Variants in SLX4IP observed in about 807,000 individuals in gnomAD.
The protein encoded by SLX4IP is SLX4 interacting protein, also known as protein SLX4IP.
Under a neutral mutation model 32.9 loss-of-function variants are expected in SLX4IP, and 34 were observed. The observed-to-expected ratio is 1.03, with a 90% CI of 0.79 to 1.38. The LOEUF (loss-of-function observed/expected upper bound fraction) is 1.38, where lower values mean the gene tolerates loss of function less well. SLX4IP is among the 40% of genes most tolerant of loss of function. The pLI is 0.00. For synonymous variants in SLX4IP, 172 were observed against 171.7 expected (o/e 1.00, Z -0.01); for missense variants, 444 against 479.0 (o/e 0.93, Z 0.68).
rs554463718 is a variant in SLX4IP at position 10,614,147 on chromosome 20, G to A, written c.406-7167G>A. ...GTCGGACCTCGCCATCGGAGGCCTCGCGTTGCACGCCCAGCACCCAGTAAA... is the reference window on the plus strand; with the variant it reads ...GTCGGACCTCGCCATCGGAGGCCTCACGTTGCACGCCCAGCACCCAGTAAA... On this transcript the variant is annotated intron_variant, in intron 6 of 7. Transcript: ENST00000334534. 814 of 1,103,954 alleles carry A rather than the reference G, an allele frequency of 7.4e-4. 6 individuals carry two copies. The highest frequency in any genetic ancestry group is 9.5e-4 in the Non-Finnish European group (703 of 743,106). 68.4% of individuals were successfully genotyped at this position (1,103,954 alleles called of 1,614,324 possible).
At chr20:10,459,057 C>T (rs2065313317) in intron 2 of SLX4IP, among the ~76,000 whole-genome samples, 1 of 152,222 alleles carries the variant, frequency 6.6e-6, no homozygotes, top group African/African-American at 2.4e-5. Context: ...TCGCCATTCT[C>T]ACTGGCGTGA....
chr20:10,461,241 A>G (rs893967024), intron 2 of SLX4IP, among the ~76,000 whole-genome samples: 23 of 152,240 alleles, frequency 1.5e-4, no homozygotes, highest in African/African-American at 5.3e-4. Flanking sequence ...CTGGTCAACC[A>G]TGAAACTTGG....
At chr20:10,622,576 G>A (rs761027219) in intron 7 of SLX4IP, 83 bp from the exon 8 acceptor site, 34 of 1,510,390 alleles carry the variant, frequency 2.3e-5, no homozygotes, top group Admixed American at 6.3e-5. Context: ...TTTTTCAGGT[G>A]TAGGAAATGT....
At position 10,623,259 on chromosome 20, in the gene SLX4IP, T is replaced by C; in HGVS notation, c.1107T>C (p.His369=). The change falls in exon 8 of 8, where the codon CAT becomes CAC. Residue 369 remains histidine, a synonymous_variant. Transcript: ENST00000334534. ...LHVLESLSSR[H]LMKNNPGQAQ... Reference sequence around the variant, plus strand: ...TTTTGGAAAGTCTCTCCTCCAGACATCTTATGAAAAATAACCCAGGGCAGG... The same window carrying C: ...TTTTGGAAAGTCTCTCCTCCAGACACCTTATGAAAAATAACCCAGGGCAGG... 1.2e-6 allele frequency: 2 copies of C among 1,614,134 alleles called. No individual in the cohort carries two copies. The highest frequency in any genetic ancestry group is 8.5e-7 in the Non-Finnish European group (1 of 1,180,036).
intron 2 of SLX4IP, among the ~76,000 whole-genome samples, chr20:10,497,424 C>T (rs993810478): frequency 5.3e-5 from 8 of 152,050 alleles, no homozygotes; most frequent in African/African-American, 1.7e-4. Context: ...GTGGATTTAT[C>T]TTTTTTGCTT....
Position 10,625,751 on chromosome 20 carries a change from A to G in SLX4IP, c.*2372A>G, listed in dbSNP as rs893619172. 1.3e-5 allele frequency: 2 copies of G among 152,154 alleles called. No homozygotes were observed. The highest frequency in any genetic ancestry group is 2.9e-5 in the Non-Finnish European group (2 of 68,038). 9.4% of individuals were successfully genotyped at this position (152,154 alleles called of 1,614,324 possible). The stretch of plus-strand genomic sequence containing the variant: ...CCTCACGTCCCTTCATGTAAAAGGG[A>G]TTTTAACAGGATTTACAGAGGGAAT... On this transcript the variant is annotated 3_prime_UTR_variant, in exon 8 of 8. Transcript: ENST00000334534.
At chr20:10,447,000 G>A (rs2065207978) in intron 1 of SLX4IP, among the ~76,000 whole-genome samples, 1 of 151,992 alleles carries the variant, frequency 6.6e-6, no homozygotes, top group Non-Finnish European at 1.5e-5. Flanking sequence ...TTATGATTTT[G>A]AGTTCATAAA....
At chr20:10,462,180 G>A (rs1356998672) in intron 2 of SLX4IP, among the ~76,000 whole-genome samples, 2 of 152,032 alleles carry the variant, frequency 1.3e-5, no homozygotes, top group Non-Finnish European at 2.9e-5. Flanking sequence ...AAAAAATTGA[G>A]GAGAAAACCA....
At chr20:10,574,645 T>G (rs1269857820) in intron 4 of SLX4IP, among the ~76,000 whole-genome samples, 1 of 151,920 alleles carries the variant, frequency 6.6e-6, no homozygotes, top group Non-Finnish European at 1.5e-5. Flanking sequence ...GACTCTTAGA[T>G]TCTTGAAAGA....
At chr20:10,503,247 T>C (rs2075159458) in intron 2 of SLX4IP, among the ~76,000 whole-genome samples, 1 of 152,196 alleles carries the variant, frequency 6.6e-6, no homozygotes, top group Non-Finnish European at 1.5e-5. Flanking sequence ...TCTTCAGGCC[T>C]GCTGTCCGCC....
At chr20:10,488,963 G>C (rs1299385236) in intron 2 of SLX4IP, among the ~76,000 whole-genome samples, 1 of 152,054 alleles carries the variant, frequency 6.6e-6, no homozygotes, top group Non-Finnish European at 1.5e-5. Context: ...GTTTTCTGCT[G>C]GTTTGGGGTT....
chr20:10,465,567 A>G (rs1392767977), intron 2 of SLX4IP, among the ~76,000 whole-genome samples: 1 of 152,148 alleles, frequency 6.6e-6, no homozygotes, highest in Non-Finnish European at 1.5e-5. Flanking sequence ...GTGCGGTGGC[A>G]AGATCTTGGC....
intron 2 of SLX4IP, among the ~76,000 whole-genome samples, chr20:10,511,910 G>T (rs1439747915): frequency 6.6e-6 from 1 of 152,118 alleles, no homozygotes; most frequent in Non-Finnish European, 1.5e-5. Context: ...TGAAATTGTT[G>T]CATAGTAAAA....
intron 2 of SLX4IP, among the ~76,000 whole-genome samples, chr20:10,546,895 A>C (rs1342776898): frequency 6.6e-6 from 1 of 152,190 alleles, no homozygotes; most frequent in Non-Finnish European, 1.5e-5. Flanking sequence ...AAATGAAATC[A>C]GTTCTCATCT....
At chr20:10,517,519 T>G (rs1016565979) in intron 2 of SLX4IP, among the ~76,000 whole-genome samples, 1 of 152,202 alleles carries the variant, frequency 6.6e-6, no homozygotes, top group Admixed American at 6.5e-5. Flanking sequence ...TGTTATGAGT[T>G]AGAAGGTCAG....
intron 6 of SLX4IP, among the ~76,000 whole-genome samples, chr20:10,617,652 C>CTTTTTTT (rs549525000): frequency 4.4e-5 from 5 of 112,748 alleles, no homozygotes; most frequent in Admixed American, 2.1e-4. Context: ...TTCTTTCTTT[C>CTTTTTTT]TTTTTTTTTT....
chr20:10,448,222 G>C (rs2065216507), intron 1 of SLX4IP, among the ~76,000 whole-genome samples: 1 of 152,098 alleles, frequency 6.6e-6, no homozygotes, highest in African/African-American at 2.4e-5. Context: ...TCCATAAAAT[G>C]AGCGGTGGGA....
intron 2 of SLX4IP, among the ~76,000 whole-genome samples, chr20:10,502,500 C>T (rs576257665): frequency 1.3e-5 from 2 of 152,178 alleles, no homozygotes; most frequent in East Asian, 3.9e-4. Context: ...GCTCACAAAC[C>T]CACTCACTTT....
At chr20:10,612,974 A>G (rs117493496) in intron 6 of SLX4IP, 4,253 of 174,892 alleles carry the variant, frequency 0.024, 115 homozygotes, top group Admixed American at 0.087. Flanking sequence ...ATGAAGAGAG[A>G]ATCTATTCAA....
Sources: gnomAD v4.1 joint callset for allele counts (sites outside exome capture counted in the v4.1 genomes callset) on GRCh38, gnomAD v4.1.1 for gene constraint, MANE v1.5 for transcripts, NCBI Gene and HGNC (gene_info 2026-07-23, HGNC 2026-07-21) for gene names.